RAP1GAP2: variants seen among roughly 807,000 people sequenced by gnomAD.
The protein encoded by RAP1GAP2 is RAP1 GTPase activating protein 2, also known as rap1 GTPase-activating protein 2.
In RAP1GAP2, 27 loss-of-function variants were observed where a neutral mutation model predicts 95.0. That is an observed-to-expected ratio of 0.28 (90% confidence interval 0.21 to 0.39). RAP1GAP2 has a LOEUF of 0.39. RAP1GAP2 is among the 10% of genes least tolerant of loss of function. The pLI is 1.00. For synonymous variants in RAP1GAP2, 373 were observed against 380.9 expected, an observed-to-expected ratio of 0.98 and a Z score of 0.24; for missense variants, 771 against 970.0, an observed-to-expected ratio of 0.79 and a Z score of 2.72.
chr17:2,756,781 C>A (rs928447454), intron 1 of RAP1GAP2, among the ~76,000 whole-genome samples: 1 of 152,114 alleles, frequency 6.6e-6, no homozygotes, highest in South Asian at 2.1e-4. Flanking sequence ...AGGATTCAGG[C>A]ACACACTGAG....
chr17:2,988,662 A>G (rs2045639643), intron 11 of RAP1GAP2, among the ~76,000 whole-genome samples: 1 of 152,200 alleles, frequency 6.6e-6, no homozygotes, highest in Non-Finnish European at 1.5e-5. Context: ...AGTTGCTGTG[A>G]ACATCTGTAT....
At chr17:2,852,409 C>T (rs2071895287) in intron 2 of RAP1GAP2, among the ~76,000 whole-genome samples, 1 of 152,064 alleles carries the variant, frequency 6.6e-6, no homozygotes, top group South Asian at 2.1e-4. Context: ...CATTTAAGAA[C>T]CACCCTGGGG....
chr17:2,881,131 C>T (rs2073271136), intron 2 of RAP1GAP2, among the ~76,000 whole-genome samples: 1 of 151,930 alleles, frequency 6.6e-6, no homozygotes, highest in African/African-American at 2.4e-5. Flanking sequence ...CATGGTGGTG[C>T]ACGCCTGTAA....
At chr17:2,876,107 T>G (rs1181229115) in intron 2 of RAP1GAP2, among the ~76,000 whole-genome samples, 2 of 151,668 alleles carry the variant, frequency 1.3e-5, no homozygotes, top group Non-Finnish European at 2.9e-5. Context: ...CCGGCTAATT[T>G]TTTGTATTTT....
chr17:2,865,590 A>G (rs1011638317), intron 2 of RAP1GAP2, among the ~76,000 whole-genome samples: 8 of 152,202 alleles, frequency 5.3e-5, no homozygotes, highest in African/African-American at 1.4e-4. Flanking sequence ...AGATGCACAG[A>G]CAGAAACAGC....
At chr17:2,999,459 C>G (rs77733474) in intron 14 of RAP1GAP2, among the ~76,000 whole-genome samples, 2,709 of 152,266 alleles carry the variant, frequency 0.018, 79 homozygotes, top group African/African-American at 0.062. Flanking sequence ...CGCAAAATAT[C>G]AGGAACCACT....
Position 2,984,888 on chromosome 17 carries a change from C to G in RAP1GAP2, c.730-95C>G, listed in dbSNP as rs2045501403. ...GATGTTTCATACCAGGGAACACATTCTCTCCCCAAATGGATGCTTCCCCTG... is the reference window on the plus strand; with the variant it reads ...GATGTTTCATACCAGGGAACACATTGTCTCCCCAAATGGATGCTTCCCCTG... On this transcript the variant is annotated intron_variant, in intron 10 of 24. Transcript: ENST00000254695. 1.3e-6 allele frequency: 2 copies of G among 1,557,438 alleles called. 1 individual carries two copies. The highest frequency in any genetic ancestry group is 3.6e-5 in the Admixed American group (2 of 54,874).
intron 2 of RAP1GAP2, among the ~76,000 whole-genome samples, chr17:2,805,636 G>T (rs1334777145): frequency 1.3e-5 from 2 of 152,108 alleles, no homozygotes; most frequent in Non-Finnish European, 2.9e-5. Context: ...GCCTCCCAAA[G>T]TGTTGGGATT....
At chr17:2,957,918 T>C (rs1282359113) in intron 4 of RAP1GAP2, 124 bp downstream of exon 4, 2 of 1,033,062 alleles carry the variant, frequency 1.9e-6, no homozygotes, top group Non-Finnish European at 2.7e-6. Flanking sequence ...GAAGAGACAA[T>C]TGCATCCCCT....
chr17:2,800,902 T>A (rs2069265502), intron 2 of RAP1GAP2, among the ~76,000 whole-genome samples: 1 of 147,614 alleles, frequency 6.8e-6, no homozygotes, highest in Non-Finnish European at 1.5e-5. Flanking sequence ...CAGGCTGGAG[T>A]GCGGTGGCAT....
chr17:2,908,805 C>G (rs2042281509), intron 3 of RAP1GAP2, among the ~76,000 whole-genome samples: 1 of 151,978 alleles, frequency 6.6e-6, no homozygotes. Flanking sequence ...ACCTCGGGCT[C>G]AAGGATCCTC....
At chr17:2,934,716 C>T (rs1472023639) in intron 3 of RAP1GAP2, among the ~76,000 whole-genome samples, 4 of 152,266 alleles carry the variant, frequency 2.6e-5, no homozygotes, top group Non-Finnish European at 2.9e-5. Context: ...AATAGCACAC[C>T]GTAATTTGTA....
At chr17:2,970,592 G>A (rs967581496) in intron 8 of RAP1GAP2, among the ~76,000 whole-genome samples, 1 of 152,178 alleles carries the variant, frequency 6.6e-6, no homozygotes, top group Admixed American at 6.6e-5. Flanking sequence ...TCTGATAGAT[G>A]AGAATAGTAT....
Position 2,963,356 on chromosome 17 carries a change from A to G in RAP1GAP2, c.247-74A>G, listed in dbSNP as rs2044427194. On this transcript the variant is annotated intron_variant, in intron 5 of 24. Transcript: ENST00000254695. The surrounding 1 kb of genome is among the most constrained non-coding windows in gnomAD (Gnocchi z 4.8). ...CCCCCCACAACATATCCCCCTTGCA[A>G]GACCTGGAAACAGTGGTCAGACTTT... 21 of 1,493,072 alleles carry G rather than the reference A, an allele frequency of 1.4e-5. No individual in the cohort carries two copies. The highest frequency in any genetic ancestry group is 3.4e-5 in the Admixed American group (2 of 58,562). The allele number at this position is 1,493,072 out of a possible 1,614,324, so 92.5% of individuals were successfully genotyped here.
rs1183792950 is a variant in RAP1GAP2 at position 3,008,866 on chromosome 17, G to T, written c.1494+721G>T. On this transcript the variant is annotated intron_variant, in intron 17 of 24. Transcript: ENST00000254695. The surrounding 1 kb of genome is among the most constrained non-coding windows in gnomAD (Gnocchi z 4.2). ...GTCAGCCTGTGCAGGTGGCGGAACG[G>T]GTCTTGTTATATTCACGAACACACG... Among the ~76,000 whole-genome samples, 2 of 152,144 alleles carry T rather than the reference G, an allele frequency of 1.3e-5. No individual in the cohort carries two copies. Among genetic ancestry groups the T allele is most frequent in the African/African-American group, 4.8e-5 (2 of 41,446 alleles).
At chr17:2,955,402 TTATTGTTC>T in intron 3 of RAP1GAP2, among the ~76,000 whole-genome samples, 1 of 152,340 alleles carries the variant, frequency 6.6e-6, no homozygotes, top group South Asian at 2.1e-4. Flanking sequence ...TTTCATGTAC[TTATTGTTC>T]CTTTGTATGT....
chr17:3,032,868 T>C (rs1487261842), intron 24 of RAP1GAP2, among the ~76,000 whole-genome samples: 1 of 151,850 alleles, frequency 6.6e-6, no homozygotes, highest in Non-Finnish European at 1.5e-5. Flanking sequence ...CTGTCGGGAG[T>C]CAGCACTGTG....
At chr17:2,786,946 CTTTTTTTTTTTTTTT>C (rs67990731) in intron 1 of RAP1GAP2, among the ~76,000 whole-genome samples, 2 of 58,252 alleles carry the variant, frequency 3.4e-5, no homozygotes, top group Non-Finnish European at 6.0e-5. Context: ...CGCTCCCAGC[CTTTTTTTTTTTTTTT>C]TTTTTTTTGA....
intron 11 of RAP1GAP2, among the ~76,000 whole-genome samples, chr17:2,988,790 A>G (rs1044194566): frequency 1.4e-4 from 21 of 152,178 alleles, no homozygotes; most frequent in Non-Finnish European, 1.0e-4. Flanking sequence ...GGCCGGGCGC[A>G]GTGGCTCACG....
Sources: allele counts gnomAD v4.1 joint callset (sites outside exome capture counted in the v4.1 genomes callset), GRCh38; gene constraint gnomAD v4.1.1; non-coding constraint Gnocchi (gnomAD v3.1); transcripts MANE v1.5; gene names NCBI Gene and HGNC (gene_info 2026-07-23, HGNC 2026-07-21).